RALYL: variants seen among roughly 807,000 people sequenced by gnomAD.
RALYL encodes RNA-binding Raly-like protein.
In RALYL, 29 loss-of-function variants were observed where a neutral mutation model predicts 35.1. That is an observed-to-expected ratio of 0.83 (90% CI 0.61 to 1.13). The LOEUF is 1.13. Among genes scored for constraint, RALYL ranks in the 50% most tolerant of loss-of-function variants. The probability of loss-of-function intolerance (pLI) is 0.00; values close to 1 mark genes in which losing one functional copy is unlikely to be tolerated. For synonymous variants in RALYL, 120 were observed against 127.6 expected, an observed-to-expected ratio of 0.94 and a Z score of 0.40; for missense variants, 359 against 360.4, an observed-to-expected ratio of 1.00 and a Z score of 0.03.
chr8:84,570,497 G>A (rs1807682999), intron 2 of RALYL, among the ~76,000 whole-genome samples: 1 of 151,660 alleles, frequency 6.6e-6, no homozygotes, highest in African/African-American at 2.4e-5. Flanking sequence ...TCTTAGGGTT[G>A]TCTAGGTATA....
chr8:84,642,807 A>G (rs1157813636), intron 2 of RALYL, among the ~76,000 whole-genome samples: 1 of 136,130 alleles, frequency 7.3e-6, no homozygotes, highest in Non-Finnish European at 1.5e-5. Context: ...AGAGAAAGGT[A>G]GGAGAAGAAG....
At chr8:84,525,118 GACTA>G (rs1434761784) in intron 1 of RALYL, among the ~76,000 whole-genome samples, 9 of 151,480 alleles carry the variant, frequency 5.9e-5, no homozygotes, top group African/African-American at 1.9e-4. Flanking sequence ...TGTGGTTATT[GACTA>G]ACTTTTTGGA....
At chr8:84,315,310 C>G (rs1191018872) in intron 1 of RALYL, among the ~76,000 whole-genome samples, 5 of 152,098 alleles carry the variant, frequency 3.3e-5, no homozygotes, top group Admixed American at 6.5e-5. Context: ...GATGAAGTCT[C>G]TATGTACTGA....
At chr8:84,608,236 C>T (rs114493540) in intron 2 of RALYL, among the ~76,000 whole-genome samples, 1,631 of 152,158 alleles carry the variant, frequency 0.011, 35 homozygotes, top group African/African-American at 0.037. Context: ...CCTTGGCCCT[C>T]GGGATAACCT....
At chr8:84,632,105 A>G (rs1019060404) in intron 2 of RALYL, among the ~76,000 whole-genome samples, 1 of 151,830 alleles carries the variant, frequency 6.6e-6, no homozygotes, top group Non-Finnish European at 1.5e-5. Context: ...GTGTCCTTAT[A>G]AAATAGCTCA....
intron 1 of RALYL, among the ~76,000 whole-genome samples, chr8:84,425,438 C>A (rs1004979909): frequency 2.6e-5 from 4 of 152,210 alleles, no homozygotes; most frequent in African/African-American, 9.6e-5. Context: ...CACTGGCCTG[C>A]GCCCACTGTC....
At chr8:84,689,272 C>G (rs965704994) in intron 2 of RALYL, among the ~76,000 whole-genome samples, 1 of 152,068 alleles carries the variant, frequency 6.6e-6, no homozygotes, top group African/African-American at 2.4e-5. Context: ...TGTTCCCCTT[C>G]CTGTGTCCAT....
chr8:84,819,129 T>C (rs1462879773), intron 4 of RALYL, among the ~76,000 whole-genome samples: 37 of 152,270 alleles, frequency 2.4e-4, no homozygotes, highest in Non-Finnish European at 1.5e-5. Context: ...ATCTACTTTT[T>C]TGCGTTTTTT....
rs562319452 is a variant in RALYL at position 84,774,586 on chromosome 8, C to T, written c.264C>T (p.Asn88=). 1.9e-6 allele frequency: 3 copies of T among 1,603,596 alleles called. No homozygotes were observed. The highest frequency in any genetic ancestry group is 1.1e-5 in the South Asian group (1 of 89,394). The change falls in exon 3 of 9, where the codon AAC becomes AAT. Residue 88 remains asparagine, a synonymous_variant. Transcript: ENST00000521268. ...TTTATTTTATGCTTTCAGATATCAA[C>T]ATGGCAGGAGAGCCCAAACCATACA... The part of the protein sequence containing the change: ...RVIAGQPLDI[N]MAGEPKPYRP...
intron 2 of RALYL, among the ~76,000 whole-genome samples, chr8:84,620,149 A>T (rs1324201383): frequency 1.3e-5 from 2 of 152,170 alleles, no homozygotes; most frequent in African/African-American, 4.8e-5. Flanking sequence ...CTGCCTTGCT[A>T]GATTGGGGAA....
At chr8:84,693,061 TG>T (rs1292112004) in intron 2 of RALYL, among the ~76,000 whole-genome samples, 1 of 152,008 alleles carries the variant, frequency 6.6e-6, no homozygotes, top group African/African-American at 2.4e-5. Flanking sequence ...AGAGTAAATT[TG>T]TGTGGTTTTA....
chr8:84,295,689 C>A (rs1839624906), intron 1 of RALYL, among the ~76,000 whole-genome samples: 1 of 152,010 alleles, frequency 6.6e-6, no homozygotes, highest in South Asian at 2.1e-4. Context: ...CTTCTTTCTT[C>A]CCCTTAGATA....
chr8:84,596,799 T>C (rs1369075165), intron 2 of RALYL, among the ~76,000 whole-genome samples: 1 of 152,158 alleles, frequency 6.6e-6, no homozygotes, highest in Admixed American at 6.6e-5. Flanking sequence ...CAAGCATTTT[T>C]TTCTTCCATT....
chr8:84,782,949 C>A (rs1818536255), intron 3 of RALYL, among the ~76,000 whole-genome samples: 1 of 129,818 alleles, frequency 7.7e-6, no homozygotes, highest in South Asian at 2.3e-4. Context: ...TAGGACAGTC[C>A]TTAGTAGAGA....
intron 2 of RALYL, among the ~76,000 whole-genome samples, chr8:84,725,528 A>T (rs1435029518): frequency 2.0e-5 from 3 of 151,772 alleles, no homozygotes; most frequent in Non-Finnish European, 4.4e-5. Context: ...TAGCTGATAC[A>T]TCTGTTCACA....
chr8:84,281,029 G>T (rs1010769904), intron 1 of RALYL, among the ~76,000 whole-genome samples: 1 of 152,250 alleles, frequency 6.6e-6, no homozygotes, highest in Middle Eastern at 3.4e-3. Flanking sequence ...ATAGATGCTT[G>T]TGTGAATGAG....
intron 1 of RALYL, among the ~76,000 whole-genome samples, chr8:84,522,189 G>A (rs928354020): frequency 9.9e-5 from 15 of 151,544 alleles, no homozygotes; most frequent in South Asian, 2.1e-4. Context: ...TATTTTCAGC[G>A]GGTTCTTAAT....
intron 3 of RALYL, among the ~76,000 whole-genome samples, chr8:84,800,667 A>AAAC (rs1188556557): frequency 1.3e-5 from 2 of 152,184 alleles, no homozygotes; most frequent in African/African-American, 2.4e-5. Context: ...TTTCTTCATG[A>AAAC]AACAATTACC....
At chr8:84,679,788 G>T (rs994724094) in intron 2 of RALYL, 5 of 501,234 alleles carry the variant, frequency 1.0e-5, no homozygotes, top group Admixed American at 2.1e-5. Flanking sequence ...CAGGGAAATT[G>T]GATAGAAAGA....
Sources: gnomAD v4.1 joint callset for allele counts (sites outside exome capture counted in the v4.1 genomes callset) on GRCh38, gnomAD v4.1.1 for gene constraint, MANE v1.5 for transcripts, NCBI Gene and HGNC (gene_info 2026-07-23, HGNC 2026-07-21) for gene names.